TENM3: variants seen among roughly 807,000 people sequenced by gnomAD.
TENM3 encodes the protein teneurin transmembrane protein 3.
In TENM3, 63 loss-of-function variants were observed where a neutral mutation model predicts 255.1. The ratio of observed to expected loss-of-function variants is 0.25; its 90% CI spans 0.20 to 0.30. TENM3 has a LOEUF of 0.30. TENM3 is among the 10% of genes least tolerant of loss of function. The pLI, the probability that TENM3 is intolerant of heterozygous loss-of-function variation, is 1.00. For missense variants in TENM3, 2,929 were observed against 3,461.1 expected, an observed-to-expected ratio of 0.85 and a Z score of 3.86; for synonymous variants, 1,306 against 1,322.3, an observed-to-expected ratio of 0.99 and a Z score of 0.27.
chr4:182,298,186 C>A (rs1257300723), intron 1 of TENM3, among the ~76,000 whole-genome samples: 1 of 152,232 alleles, frequency 6.6e-6, no homozygotes, highest in African/African-American at 2.4e-5. Flanking sequence ...ATTTTGTTGT[C>A]TGTTTCCCCC....
intron 1 of TENM3, among the ~76,000 whole-genome samples, chr4:182,322,365 A>AT (rs1177547425): frequency 2.0e-5 from 3 of 152,230 alleles, no homozygotes; most frequent in African/African-American, 7.2e-5. Context: ...GGAACCCTTC[A>AT]TTGGCAACAT....
intron 5 of TENM3, 33 bp from the exon 6 acceptor site, chr4:182,653,738 G>T: frequency 1.3e-6 from 2 of 1,577,500 alleles, no homozygotes; most frequent in South Asian, 2.3e-5. Flanking sequence ...GAAGGCAGCA[G>T]ATCTTTAAAC....
At chr4:182,766,819 C>A (rs1266642515) in intron 22 of TENM3, among the ~76,000 whole-genome samples, 1 of 152,054 alleles carries the variant, frequency 6.6e-6, no homozygotes, top group Non-Finnish European at 1.5e-5. Context: ...TCAGAATTTG[C>A]CCCATCAGCA....
intron 3 of TENM3, among the ~76,000 whole-genome samples, chr4:182,356,375 G>T (rs1765528323): frequency 6.6e-6 from 1 of 152,138 alleles, no homozygotes; most frequent in Non-Finnish European, 1.5e-5. Flanking sequence ...TAGGTATAGT[G>T]GGTGTGGAAG....
the TENM3 span, among the ~76,000 whole-genome samples, chr4:182,014,278 C>A: frequency 6.6e-6 from 1 of 151,554 alleles, no homozygotes; most frequent in Non-Finnish European, 1.5e-5. Flanking sequence ...GAGCTACTTA[C>A]CATTAGCCTT....
chr4:182,552,708 G>T (rs888818542), intron 3 of TENM3, among the ~76,000 whole-genome samples: 1 of 152,196 alleles, frequency 6.6e-6, no homozygotes, highest in Non-Finnish European at 1.5e-5. Context: ...ATTGGCCAAA[G>T]ATGGGAAAGG....
the TENM3 span, among the ~76,000 whole-genome samples, chr4:181,536,384 C>T: frequency 6.6e-6 from 1 of 152,194 alleles, no homozygotes. Flanking sequence ...ACAAATCCTG[C>T]CCCAGCTCTG....
At position 182,281,130 on chromosome 4, in the gene TENM3, A is replaced by C. The variant is rs530764474; in HGVS notation, c.-76+37654A>C. Among the ~76,000 whole-genome samples the C allele has an allele frequency of 2.0e-5, 3 of 152,252 alleles. 1 individual carries two copies. In the South Asian group the frequency reaches 6.2e-4, roughly 32 times the overall value. Reference sequence around the variant, plus strand: ...GTCTCCTTCACATCTTTAAGTTGTAAAGCTATCATTTTTTTCTTTAATAGG... The same window carrying C: ...GTCTCCTTCACATCTTTAAGTTGTACAGCTATCATTTTTTTCTTTAATAGG... On this transcript the variant is annotated intron_variant, in intron 1 of 27. Transcript: ENST00000511685.
At chr4:182,173,772 G>A (rs746536353) in intron 1 of TENM3, among the ~76,000 whole-genome samples, 6 of 152,162 alleles carry the variant, frequency 3.9e-5, no homozygotes, top group Non-Finnish European at 5.9e-5. Context: ...AGCTTGTTAC[G>A]TAAATCCAGC....
chr4:182,213,622 C>T lies in TENM3; in HGVS notation c.-76+68868C>T, dbSNP rs138313948. ...GGAAGAGCTACTAAATGATACAGTA[C>T]GATCCATATGAAGACATATTTAATG... On this transcript the variant is annotated intron_variant, in intron 1 of 2. Transcript: ENST00000512480. Among the ~76,000 whole-genome samples the T allele has an allele frequency of 1.8e-4, 28 of 152,160 alleles. No homozygotes were observed. In the East Asian group the frequency reaches 4.3e-3, roughly 23 times the overall value.
intron 22 of TENM3, among the ~76,000 whole-genome samples, chr4:182,764,320 C>T (rs1211242964): frequency 6.6e-6 from 1 of 152,218 alleles, no homozygotes. Context: ...GTGCCAGCTA[C>T]TGGCCTTAGG....
At chr4:181,623,032 T>C in the TENM3 span, among the ~76,000 whole-genome samples, 6 of 152,216 alleles carry the variant, frequency 3.9e-5, no homozygotes, top group African/African-American at 1.4e-4. Flanking sequence ...AATTCATTTC[T>C]AATAGTAACT....
At chr4:182,486,796 A>G (rs976519508) in intron 3 of TENM3, among the ~76,000 whole-genome samples, 15 of 152,192 alleles carry the variant, frequency 9.9e-5, no homozygotes, top group African/African-American at 4.8e-5. Flanking sequence ...TAAGCTTAAT[A>G]TAGATAACCC....
At chr4:182,719,052 C>CT (rs1479799511) in intron 13 of TENM3, among the ~76,000 whole-genome samples, 3 of 152,114 alleles carry the variant, frequency 2.0e-5, no homozygotes, top group Non-Finnish European at 4.4e-5. Flanking sequence ...GCGTCCCTGT[C>CT]TGGTCCTCCA....
intron 1 of TENM3, among the ~76,000 whole-genome samples, chr4:182,198,294 G>A (rs917482298): frequency 6.6e-6 from 1 of 152,132 alleles, no homozygotes; most frequent in Admixed American, 6.5e-5. Flanking sequence ...AGATGGCTTC[G>A]TTTATCAGCC....
chr4:181,725,664 G>A, the TENM3 span, among the ~76,000 whole-genome samples: 46 of 151,894 alleles, frequency 3.0e-4, no homozygotes, highest in East Asian at 7.0e-3. Flanking sequence ...GGATGGTCTC[G>A]ATTTCCTGAC....
At chr4:182,769,491 G>C (rs1432639633) in intron 22 of TENM3, among the ~76,000 whole-genome samples, 4 of 152,146 alleles carry the variant, frequency 2.6e-5, no homozygotes, top group African/African-American at 9.7e-5. Context: ...TGCTTTTAAA[G>C]AGCAGTCCTA....
At chr4:181,885,515 C>A in the TENM3 span, among the ~76,000 whole-genome samples, 1 of 152,122 alleles carries the variant, frequency 6.6e-6, no homozygotes, top group Non-Finnish European at 1.5e-5. Flanking sequence ...CCCGCCTCGG[C>A]CTCCCAAAGT....
chr4:182,744,724 A>G (rs76001737), intron 19 of TENM3, among the ~76,000 whole-genome samples: 9 of 152,338 alleles, frequency 5.9e-5, no homozygotes, highest in Non-Finnish European at 1.3e-4. Context: ...CCTATAGTTT[A>G]TATTTTCCTA....
Sources: allele counts gnomAD v4.1 joint callset (sites outside exome capture counted in the v4.1 genomes callset), GRCh38; gene constraint gnomAD v4.1.1; transcripts MANE v1.5; gene names NCBI Gene and HGNC (gene_info 2026-07-23, HGNC 2026-07-21).